Variants in ACCS observed in about 807,000 individuals in gnomAD.
ACCS encodes 1-aminocyclopropane-1-carboxylate synthase homolog (inactive), also known as 1-aminocyclopropane-1-carboxylate synthase-like protein 1.
In ACCS, 42 loss-of-function variants were observed where a neutral mutation model predicts 59.8. The ratio of observed to expected loss-of-function variants is 0.70; its 90% confidence interval spans 0.55 to 0.91. The LOEUF (loss-of-function observed/expected upper bound fraction) is 0.91. ACCS is among the 40% of genes least tolerant of loss of function. The probability of loss-of-function intolerance (pLI) is 0.00; values close to 1 mark genes in which losing one functional copy is unlikely to be tolerated. For missense variants in ACCS, 602 were observed against 630.4 expected (o/e 0.95, Z 0.48); for synonymous variants, 230 against 240.3 (o/e 0.96, Z 0.40).
chr11:44,079,621 G>T lies in ACCS; in HGVS notation c.923+1G>T. 1.9e-6 allele frequency: 3 copies of T among 1,606,236 alleles called. No individual in the cohort carries two copies. Among genetic ancestry groups the T allele is most frequent in the Non-Finnish European group, 2.6e-6 (3 of 1,176,382 alleles). ...ACCGCAGTGTCCTAAGCCTGGAAAG[G>T]TGAGGCTCCCTGACACAGCTAACTC... is the stretch of plus-strand genomic sequence containing the variant. On this transcript the variant is annotated splice_donor_variant, in intron 10 of 14. Coordinates refer to ENST00000263776, the MANE Select transcript of ACCS (RefSeq NM_032592.4). LOFTEE classifies it high-confidence loss of function.
chr11:44,067,878 A>T lies in ACCS; in HGVS notation c.251A>T (p.Tyr84Phe). 2 of 1,612,764 alleles carry T rather than the reference A, an allele frequency of 1.2e-6. No individual in the cohort carries two copies. The highest frequency in any genetic ancestry group is 1.7e-6 in the Non-Finnish European group (2 of 1,179,268). The change falls in exon 2 of 15, where the codon TAC (tyrosine) becomes TTC (phenylalanine). Residue 84 changes from tyrosine (Y) to phenylalanine (F), a missense_variant. Transcript: ENST00000263776. ...TCAGCTGAGGAGGGCTACAGGACCTACCACATGGATGAGTATGATGAGGAC... is the reference window on the plus strand; with the variant it reads ...TCAGCTGAGGAGGGCTACAGGACCTTCCACATGGATGAGTATGATGAGGAC... The part of the protein sequence containing the change: ...WDSAEEGYRT[Y>F]HMDEYDEDKN...
rs751508513 is a variant in ACCS, at chr11:44,075,561, T to C, written c.525T>C (p.Ser175=). The change falls in exon 6 of 15, where the codon TCT becomes TCC. Residue 175 remains serine (S), a synonymous_variant. Coordinates refer to ENST00000263776, the MANE Select transcript of ACCS (RefSeq NM_032592.4). The part of the protein sequence containing the change: ...VVLNGGASLF[S]ALATVLCEAG... ...TGAATGGTGGTGCCTCGCTCTTCTC[T>C]GCTCTGGCCACGGTGCTGTGTGAGG... is the stretch of plus-strand genomic sequence containing the variant. 3.1e-6 allele frequency: 5 copies of C among 1,614,226 alleles called. No individual in the cohort carries two copies. Among genetic ancestry groups the C allele is most frequent in the Admixed American group, 3.3e-5 (2 of 60,034 alleles).
At position 44,080,705 on chromosome 11, in the gene ACCS, C is replaced by T. The variant is rs181897678; in HGVS notation, c.924-315C>T. 8.3e-3 allele frequency: 3,631 copies of T among 438,070 alleles called. 25 individuals carry two copies. The highest frequency in any genetic ancestry group is 0.012 in the Non-Finnish European group (2,913 of 239,182). 27.1% of individuals were successfully genotyped at this position (438,070 alleles called of 1,614,324 possible). On this transcript the variant is annotated intron_variant, in intron 10 of 14. Transcript: ENST00000263776. Reference sequence around the variant, plus strand: ...GATCTGTTTAGGGTACCTGATTGGCCTGGTCCCAGGGGGAGTGGTTAGGGA... The same window carrying T: ...GATCTGTTTAGGGTACCTGATTGGCTTGGTCCCAGGGGGAGTGGTTAGGGA...
chr11:44,081,506 A>G (rs889343007), intron 12 of ACCS, among the ~76,000 whole-genome samples, 186 bp downstream of exon 12: 1 of 152,178 alleles, frequency 6.6e-6, no homozygotes, highest in African/African-American at 2.4e-5. Context: ...ACTTTGCTTC[A>G]CCTCTTTATC....
rs914927207 is a variant in ACCS at position 44,077,161 on chromosome 11, A to T, written c.557-118A>T. ...TGTTTTGGGAGTTAAGAGTGCAAGT[A>T]TGCCCCAAACGGTCCCCAAAGAAGT... On this transcript the variant is annotated intron_variant, in intron 6 of 14. Transcript: ENST00000263776. 7.9e-6 allele frequency: 9 copies of T among 1,134,212 alleles called. No homozygotes were observed. The South Asian group carries it at 1.3e-4, about 16-fold the overall frequency. 70.3% of individuals were successfully genotyped at this position (1,134,212 alleles called of 1,614,324 possible). A position where few individuals can be genotyped will look rare whatever the true frequency, so the allele number is the denominator to read the frequency against.
chr11:44,067,541 A>G, intron 1 of ACCS, 87 bp from the exon 2 acceptor site: 2 of 1,380,500 alleles, frequency 1.4e-6, no homozygotes, highest in South Asian at 2.8e-5. Flanking sequence ...GATAAGAGAA[A>G]GGGGACTCCC....
chr11:44,067,840 A>G lies in ACCS; in HGVS notation c.213A>G (p.Lys71=), dbSNP rs1952863177. 6.2e-7 allele frequency: 1 copy of G among 1,614,092 alleles called. No homozygotes were observed. Among genetic ancestry groups the G allele is most frequent in the South Asian group, 1.1e-5 (1 of 91,084 alleles). The change falls in exon 2 of 15, where the codon AAA becomes AAG. Residue 71 remains lysine (K), a synonymous_variant. Coordinates refer to ENST00000263776, the MANE Select transcript of ACCS (RefSeq NM_032592.4). ...TGTCCTCTAGAGGAAGAATGATTAA[A>G]TGGTTCTGGGATTCAGCTGAGGAGG... The part of the protein sequence containing the change: ...SYLSSRGRMI[K]WFWDSAEEGY...
rs1449695415 is a variant in ACCS, at chr11:44,078,772, T to C, written c.821T>C (p.Val274Ala). 6.2e-7 allele frequency: 1 copy of C among 1,613,788 alleles called. No homozygotes were observed. The highest frequency in any genetic ancestry group is 2.2e-5 in the East Asian group (1 of 44,858). ...YSPEELQEYL[V>A]FAKRHRLHVI... ...CCTGAAGAGCTACAGGAGTACCTGG[T>C]ATTTGCCAAGAGGTGAGGCACCCCA... The change falls in exon 9 of 15, where the codon GTA becomes GCA. Residue 274 changes from valine (V) to alanine (A), a missense_variant. Transcript: ENST00000263776.
Position 44,083,859 on chromosome 11 carries a change from A to G in ACCS, c.*67A>G, listed in dbSNP as rs1355464651. On this transcript the variant is annotated 3_prime_UTR_variant, in exon 15 of 15. Transcript: ENST00000263776. ...TGGACCTGGGGCGTTCTGGGGCTGC[A>G]GAAGACTGACTGTGGATGTGCCATT... 4 of 1,548,762 alleles carry G rather than the reference A, an allele frequency of 2.6e-6. No homozygotes were observed. The highest frequency in any genetic ancestry group is 1.4e-5 in the African/African-American group (1 of 73,052).
rs780495755 is a variant in ACCS, at chr11:44,081,266, C to T, written c.1057C>T (p.His353Tyr). Residue 353 changes from histidine to tyrosine, a missense_variant, in exon 12 of 15, where the codon CAC (histidine) becomes TAC (tyrosine). Coordinates refer to ENST00000263776, the MANE Select transcript of ACCS (RefSeq NM_032592.4). ...TGCCGTGGCTTCCCTCTGCCGCTAC[C>T]ACGGCCTCAGTGGCTTGGTCCAGTA... ...ATAVASLCRY[H>Y]GLSGLVQYQM... The T allele has an allele frequency of 4.3e-6, 7 of 1,614,272 alleles. No homozygotes were observed. The highest frequency in any genetic ancestry group is 3.3e-5 in the South Asian group (3 of 91,092).
intron 8 of ACCS, chr11:44,078,382 C>G: frequency 3.1e-6 from 1 of 318,474 alleles, no homozygotes; most frequent in Non-Finnish European, 5.7e-6. Context: ...TTTTTTACTT[C>G]TGTCATGAAA....
At chr11:44,074,705 C>T in intron 5 of ACCS, 24 bp downstream of exon 5, 3 of 1,418,096 alleles carry the variant, frequency 2.1e-6, no homozygotes, top group African/African-American at 4.3e-5. Flanking sequence ...TCCACTGCTC[C>T]TTCCTGTTCT....
At chr11:44,079,311 C>A in intron 9 of ACCS, 2 of 538,678 alleles carry the variant, frequency 3.7e-6, no homozygotes, top group South Asian at 4.7e-5. Context: ...ATCCTTTTCT[C>A]CCCTGCAGTG....
Position 44,083,818 on chromosome 11 carries a change from G to C in ACCS, c.*26G>C. The C allele has an allele frequency of 2.5e-6, 4 of 1,571,688 alleles. No individual in the cohort carries two copies. The highest frequency in any genetic ancestry group is 3.5e-6 in the Non-Finnish European group (4 of 1,158,550). On this transcript the variant is annotated 3_prime_UTR_variant, in exon 15 of 15. Transcript: ENST00000263776. ...GCTGGTCATTGTCTCGTGGCCAGAG[G>C]GCCCAGCAGCCACTGTGGACCTGGG...
At position 44,073,789 on chromosome 11, in the gene ACCS, C is replaced by T. The variant is rs1027627847; in HGVS notation, c.419+272C>T. On this transcript the variant is annotated intron_variant, in intron 4 of 14. Coordinates refer to ENST00000263776, the MANE Select transcript of ACCS (RefSeq NM_032592.4). Reference sequence around the variant, plus strand: ...CCAGTCCCACCTCAGCACAGGAGCTCGCTAGTCTGGTTTCTGGGAACCTGG... The same window carrying T: ...CCAGTCCCACCTCAGCACAGGAGCTTGCTAGTCTGGTTTCTGGGAACCTGG... 2.6e-5 allele frequency among the ~76,000 whole-genome samples: 4 copies of T among 152,142 alleles called. No homozygotes were observed. In the South Asian group the frequency reaches 8.3e-4, roughly 31 times the overall value.
intron 10 of ACCS, 78 bp from the exon 11 acceptor site, chr11:44,080,942 T>C (rs1156713017): frequency 7.7e-6 from 12 of 1,568,066 alleles, no homozygotes; most frequent in Non-Finnish European, 7.0e-6. Flanking sequence ...ACCACCCATC[T>C]CTTCATTTGT....
chr11:44,083,870 T>G lies in ACCS; in HGVS notation c.*78T>G. 4 of 1,540,410 alleles carry G rather than the reference T, an allele frequency of 2.6e-6. No individual in the cohort carries two copies. The highest frequency in any genetic ancestry group is 3.5e-6 in the Non-Finnish European group (4 of 1,141,618). ...CGTTCTGGGGCTGCAGAAGACTGAC[T>G]GTGGATGTGCCATTTGCCAGGAAGG... is the stretch of plus-strand genomic sequence containing the variant. On this transcript the variant is annotated 3_prime_UTR_variant, in exon 15 of 15. Coordinates refer to ENST00000263776, the MANE Select transcript of ACCS (RefSeq NM_032592.4).
At chr11:44,073,898 CG>C (rs1953184755) in intron 4 of ACCS, among the ~76,000 whole-genome samples, 3 of 152,140 alleles carry the variant, frequency 2.0e-5, no homozygotes, top group Admixed American at 1.3e-4. Flanking sequence ...AATTGCTGTT[CG>C]GGGAGCTGGC....
At position 44,077,880 on chromosome 11, in the gene ACCS, A is replaced by T. The variant is rs749889420; in HGVS notation, c.690A>T (p.Thr230=). The change falls in exon 8 of 15, where the codon ACA becomes ACT. Residue 230 remains threonine, a synonymous_variant. Coordinates refer to ENST00000263776, the MANE Select transcript of ACCS (RefSeq NM_032592.4). Reference sequence around the variant, plus strand: ...TAGACACACGCCCCTTCCAGCTCACAGTGGAGAAGCTGGAGATGGCCCTGA... The same window carrying T: ...TAGACACACGCCCCTTCCAGCTCACTGTGGAGAAGCTGGAGATGGCCCTGA... The part of the protein sequence containing the change: ...TGLDTRPFQL[T]VEKLEMALRE... The T allele has an allele frequency of 1.9e-6, 3 of 1,614,040 alleles. No homozygotes were observed. The East Asian group carries it at 6.7e-5, about 36-fold the overall frequency.
Sources: gnomAD v4.1 joint callset for allele counts (sites outside exome capture counted in the v4.1 genomes callset) on GRCh38, gnomAD v4.1.1 for gene constraint, MANE v1.5 for transcripts, NCBI Gene and HGNC (gene_info 2026-07-23, HGNC 2026-07-21) for gene names.